The following MACROD2 variants were observed in gnomAD, a reference collection of about 807,000 sequenced individuals.
MACROD2 encodes the protein ADP-ribose glycohydrolase MACROD2.
MACROD2 carries 36 observed loss-of-function variants against 70.4 expected under a neutral mutation model. The observed-to-expected ratio is 0.51, with a 90% CI of 0.39 to 0.68. MACROD2 has a LOEUF of 0.68. MACROD2 is among the 30% of genes least tolerant of loss of function. MACROD2 has a pLI of 0.00. For missense variants in MACROD2, 496 were observed against 538.4 expected (o/e 0.92, Z 0.78); for synonymous variants, 172 against 178.8 (o/e 0.96, Z 0.30).
intron 6 of MACROD2, among the ~76,000 whole-genome samples, chr20:15,247,801 G>A (rs1301054723): frequency 2.0e-5 from 3 of 151,958 alleles, no homozygotes; most frequent in East Asian, 1.9e-4. Flanking sequence ...AGGTTCAAGC[G>A]ATTCTTGTGC....
At chr20:14,042,333 A>G (rs1451563305) in intron 2 of MACROD2, among the ~76,000 whole-genome samples, 1 of 152,158 alleles carries the variant, frequency 6.6e-6, no homozygotes, top group Non-Finnish European at 1.5e-5. Context: ...ATTAGATTGA[A>G]GAGTTAGAAC....
chr20:15,967,514 TA>T, intron 12 of MACROD2, 38 bp from the exon 13 acceptor site: 1 of 1,551,258 alleles, frequency 6.4e-7, no homozygotes. Flanking sequence ...GTTTCCAAGT[TA>T]AAAATGCTGA....
At chr20:15,281,735 G>A (rs1474488120) in intron 6 of MACROD2, among the ~76,000 whole-genome samples, 4 of 152,206 alleles carry the variant, frequency 2.6e-5, no homozygotes, top group African/African-American at 4.8e-5. Flanking sequence ...CAGGCCCACA[G>A]TGCAAGCTGT....
intron 7 of MACROD2, among the ~76,000 whole-genome samples, chr20:15,438,895 T>C (rs1029564973): frequency 3.3e-5 from 5 of 152,104 alleles, no homozygotes; most frequent in African/African-American, 1.2e-4. Context: ...ATTGGCAAAA[T>C]AACAGGTAAA....
rs139225363 is a variant in MACROD2 at position 15,954,587 on chromosome 20, A to T, written c.908-12966A>T. On this transcript the variant is annotated intron_variant, in intron 12 of 17. Transcript: ENST00000684519. The stretch of plus-strand genomic sequence containing the variant: ...CATTTTATCCCTGTGATTAGTACAC[A>T]GTATGGCCTACAGAGGTACCAATTA... Among the ~76,000 whole-genome samples, 678 of 152,312 alleles carry T rather than the reference A, an allele frequency of 4.5e-3. 1 individual carries two copies. Among genetic ancestry groups the T allele is most frequent in the Middle Eastern group, 0.01 (3 of 294 alleles).
At chr20:15,594,394 AC>A (rs34293904) in intron 8 of MACROD2, among the ~76,000 whole-genome samples, 4,069 of 152,254 alleles carry the variant, frequency 0.027, 169 homozygotes, top group African/African-American at 0.092. Context: ...TCCAGATCGT[AC>A]TACTGCAAAC....
intron 4 of MACROD2, among the ~76,000 whole-genome samples, chr20:14,649,059 G>GAAGA (rs1320624913): frequency 6.6e-6 from 1 of 152,152 alleles, no homozygotes; most frequent in African/African-American, 2.4e-5. Flanking sequence ...GTGAACTCCA[G>GAAGA]AGGTCCACAC....
At chr20:14,302,043 A>G (rs1015659186) in intron 3 of MACROD2, among the ~76,000 whole-genome samples, 1 of 152,250 alleles carries the variant, frequency 6.6e-6, no homozygotes, top group Non-Finnish European at 1.5e-5. Context: ...CTGTTGCTAT[A>G]TAATTACTAC....
intron 5 of MACROD2, among the ~76,000 whole-genome samples, chr20:15,049,072 A>AT (rs551606655): frequency 1.3e-5 from 2 of 151,838 alleles, no homozygotes; most frequent in Non-Finnish European, 1.5e-5. Context: ...AGCTTAAATT[A>AT]TTTTTTTTAA....
Position 13,995,695 on chromosome 20 carries a change from C to T in MACROD2, c.-69C>T, listed in dbSNP as rs374886421. The T allele has an allele frequency of 3.1e-6, 3 of 956,956 alleles. No homozygotes were observed. The highest frequency in any genetic ancestry group is 4.8e-6 in the Non-Finnish European group (3 of 620,922). The allele number at this position is 956,956 out of a possible 1,614,324, so 59.3% of individuals were successfully genotyped here. ...AGTGCCCCCTCCCACCCCTCCCACT[C>T]CACACACACCCTGTTTGCCCGTGAG... On this transcript the variant is annotated 5_prime_UTR_variant, in exon 1 of 18. Transcript: ENST00000684519. This position sits in a 1 kb window ranked among gnomAD's most constrained non-coding sequence, Gnocchi z 4.3.
intron 3 of MACROD2, among the ~76,000 whole-genome samples, chr20:14,336,892 T>A (rs946992844): frequency 1.3e-5 from 2 of 152,194 alleles, no homozygotes; most frequent in African/African-American, 2.4e-5. Context: ...TAGCTGTTAA[T>A]CCTTTACAGA....
At chr20:14,709,126 T>C (rs2071306278) in intron 5 of MACROD2, among the ~76,000 whole-genome samples, 2 of 152,172 alleles carry the variant, frequency 1.3e-5, no homozygotes, top group African/African-American at 4.8e-5. Context: ...CAAAAGTAGA[T>C]GCCTGTTTCA....
chr20:14,192,249 C>G (rs6033898), intron 3 of MACROD2, among the ~76,000 whole-genome samples: 1 of 151,898 alleles, frequency 6.6e-6, no homozygotes, highest in Non-Finnish European at 1.5e-5. Context: ...TCCTACTAAC[C>G]TAAACATTTC....
intron 4 of MACROD2, among the ~76,000 whole-genome samples, chr20:14,561,097 A>T (rs1979402789): frequency 6.6e-6 from 1 of 151,742 alleles, no homozygotes; most frequent in South Asian, 2.1e-4. Flanking sequence ...ACTCTGGGAG[A>T]CTTATGGTGT....
intron 8 of MACROD2, among the ~76,000 whole-genome samples, chr20:15,828,412 A>G (rs1180315512): frequency 3.9e-5 from 6 of 152,154 alleles, no homozygotes; most frequent in Non-Finnish European, 7.3e-5. Context: ...ATGTTCCAGA[A>G]ACACCACTGC....
intron 2 of MACROD2, among the ~76,000 whole-genome samples, chr20:14,041,328 T>G (rs1261023139): frequency 6.6e-6 from 1 of 152,160 alleles, no homozygotes; most frequent in African/African-American, 2.4e-5. Context: ...ATTCTGGATA[T>G]GTGATAGTAA....
intron 3 of MACROD2, among the ~76,000 whole-genome samples, chr20:14,471,180 T>A (rs1225188920): frequency 1.3e-5 from 2 of 151,862 alleles, no homozygotes; most frequent in Non-Finnish European, 2.9e-5. Context: ...GGGGAGGGAG[T>A]TCCCCAACCC....
intron 3 of MACROD2, among the ~76,000 whole-genome samples, chr20:14,111,570 A>G (rs1402412592): frequency 6.6e-6 from 1 of 152,114 alleles, no homozygotes; most frequent in Non-Finnish European, 1.5e-5. Flanking sequence ...ACATTTCTCA[A>G]AAGAGGACAC....
chr20:15,474,948 G>A lies in MACROD2; in HGVS notation c.572-24826G>A, dbSNP rs185178544. Among the ~76,000 whole-genome samples the A allele has an allele frequency of 9.5e-4, 145 of 151,984 alleles. 5 individuals carry two copies. In the South Asian group the frequency reaches 0.029, roughly 31 times the overall value. The stretch of plus-strand genomic sequence containing the variant: ...AGGATCGCTTCCCCCTCGCCCCTAC[G>A]GTCAGCTCTCTGTACCTGGGGGATC... On this transcript the variant is annotated intron_variant, in intron 7 of 17. Transcript: ENST00000684519.
Sources: gnomAD v4.1 joint callset for allele counts (sites outside exome capture counted in the v4.1 genomes callset) on GRCh38, gnomAD v4.1.1 for gene constraint, Gnocchi (gnomAD v3.1) non-coding constraint, MANE v1.5 for transcripts, NCBI Gene and HGNC (gene_info 2026-07-23, HGNC 2026-07-21) for gene names.